Variants in CCM2L observed in about 807,000 individuals in gnomAD.
CCM2L encodes the protein CCM2 like scaffold protein.
A neutral mutation model predicts 54.1 loss-of-function variants in CCM2L; 36 were observed. That is an observed-to-expected ratio of 0.67 (90% CI 0.51 to 0.88). CCM2L has a LOEUF of 0.88. Ranked by LOEUF, CCM2L falls within the 40% of genes least tolerant of loss-of-function variation. The pLI is 0.00. For synonymous variants in CCM2L, 351 were observed against 359.3 expected, an observed-to-expected ratio of 0.98 and a Z score of 0.26; for missense variants, 700 against 812.1, an observed-to-expected ratio of 0.86 and a Z score of 1.68.
rs576051999 is a variant in CCM2L at position 32,028,896 on chromosome 20, G to A, written c.1134-99G>A. The stretch of plus-strand genomic sequence containing the variant: ...GGCCAGGGTATGCGAGGCCTTGGAG[G>A]CCAGCATGCAGTCTAGGATGAGGCC... On this transcript the variant is annotated intron_variant, in intron 7 of 9. Coordinates refer to ENST00000452892, the MANE Select transcript of CCM2L (RefSeq NM_001365692.1). 7 of 1,496,046 alleles carry A rather than the reference G, an allele frequency of 4.7e-6. No individual in the cohort carries two copies. The South Asian group carries it at 6.2e-5, about 13-fold the overall frequency. 92.7% of individuals were successfully genotyped at this position (1,496,046 alleles called of 1,614,324 possible). A position where few individuals can be genotyped will look rare whatever the true frequency, so the allele number is the denominator to read the frequency against.
intron 1 of CCM2L, 91 bp downstream of exon 1, chr20:32,010,575 G>C (rs1198954177): frequency 1.9e-6 from 2 of 1,079,622 alleles, no homozygotes. Context: ...GGTCGGTAGC[G>C]AGGGGCATAA....
rs142246918 is a variant in CCM2L, at chr20:32,013,730, G to A, written c.31-1174G>A. ...CTCCCAAAGTGCTAGGATTACAGGCGTAAACCACCACGCCTGGCCTTCCCC... is the reference window on the plus strand; with the variant it reads ...CTCCCAAAGTGCTAGGATTACAGGCATAAACCACCACGCCTGGCCTTCCCC... On this transcript the variant is annotated intron_variant, in intron 1 of 9. Transcript: ENST00000452892. Among the ~76,000 whole-genome samples, 1,373 of 152,174 alleles carry A rather than the reference G, an allele frequency of 9.0e-3. 14 individuals carry two copies. The highest frequency in any genetic ancestry group is 0.033 in the South Asian group (157 of 4,822).
rs2064780027 is a variant in CCM2L at position 32,019,357 on chromosome 20, AC to A, written c.885del (p.Ser296AlafsTer13). 3 of 1,495,818 alleles carry A rather than the reference AC, an allele frequency of 2.0e-6. No homozygotes were observed. Among genetic ancestry groups the A allele is most frequent in the Non-Finnish European group, 2.7e-6 (3 of 1,129,202 alleles). 92.7% of individuals were successfully genotyped at this position (1,495,818 alleles called of 1,614,324 possible). A position where few individuals can be genotyped will look rare whatever the true frequency, so the allele number is the denominator to read the frequency against. On this transcript the variant is annotated frameshift_variant, in exon 5 of 10. Coordinates refer to ENST00000452892, the MANE Select transcript of CCM2L (RefSeq NM_001365692.1). LOFTEE classifies it high-confidence loss of function. ...HPGPNPLDPQ[D>X]PSPDAYCNLV... ...GGCCCCAACCCGCTCGACCCGCAGGACCCCAGCCCCGACGCCTACTGCAACC... is the reference window on the plus strand; with the variant it reads ...GGCCCCAACCCGCTCGACCCGCAGGACCCAGCCCCGACGCCTACTGCAACC...
intron 5 of CCM2L, among the ~76,000 whole-genome samples, chr20:32,020,852 C>T (rs1002593796): frequency 3.9e-5 from 6 of 152,116 alleles, no homozygotes; most frequent in African/African-American, 7.2e-5. Context: ...GGCATAGCGG[C>T]GGGTGCCTGT....
In CCM2L at chr20:32,019,051, C is replaced by T; in HGVS notation, c.575C>T (p.Ala192Val). The T allele has an allele frequency of 7.7e-7, 1 of 1,296,736 alleles. No individual in the cohort carries two copies. The highest frequency in any genetic ancestry group is 2.3e-5 in the South Asian group (1 of 43,546). The allele number at this position is 1,296,736 out of a possible 1,614,324, so 80.3% of individuals were successfully genotyped here. Residue 192 changes from alanine to valine, a missense_variant, in exon 5 of 10, where the codon GCG (alanine) becomes GTG (valine). Physicochemically the swap from Ala to Val is moderately conservative, Grantham distance 64 (BLOSUM62 0). Transcript: ENST00000452892. The part of the protein sequence containing the change: ...GAPEKRRVGT[A>V]ERRHTICSLD... ...CCCGAGAAGCGGCGGGTGGGCACCG[C>T]GGAGCGGCGCCACACCATCTGCAGC...
At chr20:32,016,918 C>T (rs1480636233) in intron 2 of CCM2L, among the ~76,000 whole-genome samples, 2 of 152,126 alleles carry the variant, frequency 1.3e-5, no homozygotes, top group Non-Finnish European at 2.9e-5. Flanking sequence ...GAGGCTGAGG[C>T]AGGCTGATTA....
chr20:32,016,059 A>G (rs1398363544), intron 2 of CCM2L, among the ~76,000 whole-genome samples: 1 of 151,616 alleles, frequency 6.6e-6, no homozygotes, highest in Admixed American at 6.6e-5. Context: ...GGGTTTCACT[A>G]TGTTGGTCAG....
Position 32,029,796 on chromosome 20 carries a change from C to CT in CCM2L, c.1361dup (p.Leu455AlafsTer44). The CT allele has an allele frequency of 6.2e-7, 1 of 1,612,452 alleles. No homozygotes were observed. The highest frequency in any genetic ancestry group is 8.5e-7 in the Non-Finnish European group (1 of 1,179,052). Reference sequence around the variant, plus strand: ...GCCCATCCAGGACTATTGCACAGGCCTGCTGAAGCTCTACGGAGACCGGCG... The same window carrying CT: ...GCCCATCCAGGACTATTGCACAGGCCTTGCTGAAGCTCTACGGAGACCGGCG... On this transcript the variant is annotated frameshift_variant, in exon 9 of 10. Coordinates refer to ENST00000452892, the MANE Select transcript of CCM2L (RefSeq NM_001365692.1). LOFTEE classifies it high-confidence loss of function.
intron 7 of CCM2L, 75 bp from the exon 8 acceptor site, chr20:32,028,920 C>A: frequency 6.3e-7 from 1 of 1,589,274 alleles, no homozygotes. Context: ...TAGGATGAGG[C>A]CTCCTACCTT....
rs552082280 is a variant in CCM2L at position 32,031,248 on chromosome 20, C to A, written c.1650C>A (p.Asp550Glu). The A allele has an allele frequency of 1.5e-5, 19 of 1,298,432 alleles. 1 individual carries two copies. The East Asian group carries it at 8.9e-4, about 61-fold the overall frequency. 80.4% of individuals were successfully genotyped at this position (1,298,432 alleles called of 1,614,324 possible). The change falls in exon 10 of 10, where the codon GAC becomes GAA. Residue 550 changes from aspartate to glutamate, a missense_variant. Coordinates refer to ENST00000452892, the MANE Select transcript of CCM2L (RefSeq NM_001365692.1). The stretch of plus-strand genomic sequence containing the variant: ...AGGCGCTGGCCCCCGATGACGACGA[C>A]GACGACGAGGATGAGCCCCGGGGCT... ...DIEALAPDDD[D>E]DDEDEPRGSR...
rs904115719 is a variant in CCM2L at position 32,019,417 on chromosome 20, C to G, written c.933+8C>G. 3 of 1,508,394 alleles carry G rather than the reference C, an allele frequency of 2.0e-6. No homozygotes were observed. Among genetic ancestry groups the G allele is most frequent in the Non-Finnish European group, 2.6e-6 (3 of 1,135,056 alleles). 93.4% of individuals were successfully genotyped at this position (1,508,394 alleles called of 1,614,324 possible). ...CTGGCTGTAGCCAACAGGGTGAGCC[C>G]GAGGGCAGCCTGCTCCCAAAGCCCG... On this transcript the variant is annotated splice_region_variant and intron_variant, in intron 5 of 9. Coordinates refer to ENST00000452892, the MANE Select transcript of CCM2L (RefSeq NM_001365692.1).
chr20:32,025,065 T>G (rs1248365518), intron 6 of CCM2L, among the ~76,000 whole-genome samples: 1 of 137,732 alleles, frequency 7.3e-6, no homozygotes, highest in Admixed American at 6.9e-5. Flanking sequence ...TCTTCTTTCT[T>G]TCTTTCTTTC....
At chr20:32,011,201 A>G (rs1237261928) in intron 1 of CCM2L, among the ~76,000 whole-genome samples, 2 of 152,148 alleles carry the variant, frequency 1.3e-5, no homozygotes, top group Non-Finnish European at 2.9e-5. Context: ...AAGGGAGCCA[A>G]GACATACGTG....
intron 5 of CCM2L, among the ~76,000 whole-genome samples, chr20:32,021,103 C>T (rs1409794719): frequency 3.9e-5 from 6 of 152,160 alleles, no homozygotes; most frequent in African/African-American, 1.4e-4. Context: ...CTGACAGTCT[C>T]TTTCCCCACA....
chr20:32,018,169 C>T lies in CCM2L; in HGVS notation c.466+7C>T. 1 of 1,089,980 alleles carries T rather than the reference C, an allele frequency of 9.2e-7. No individual in the cohort carries two copies. Among genetic ancestry groups the T allele is most frequent in the Non-Finnish European group, 1.1e-6 (1 of 873,296 alleles). The allele number at this position is 1,089,980 out of a possible 1,614,324, so 67.5% of individuals were successfully genotyped here. On this transcript the variant is annotated splice_region_variant and intron_variant, in intron 4 of 9. Transcript: ENST00000452892. Reference sequence around the variant, plus strand: ...CTGCTAGTGCTCAAGACCGGTGCGGCGGGAGGGGGCGGGGGCGGGGGAGGG... The same window carrying T: ...CTGCTAGTGCTCAAGACCGGTGCGGTGGGAGGGGGCGGGGGCGGGGGAGGG...
Position 32,019,409 on chromosome 20 carries a change from G to A in CCM2L, c.933G>A (p.Arg311=). ...CNLVILAVAN[R]DAAEESCALI... is the part of the protein sequence containing the mutation. The stretch of plus-strand genomic sequence containing the variant: ...TGGTCATCCTGGCTGTAGCCAACAG[G>A]GTGAGCCCGAGGGCAGCCTGCTCCC... Residue 311 remains arginine (R), a splice_region_variant and synonymous_variant, in exon 5 of 10, where the codon AGG becomes AGA. Transcript: ENST00000452892. The A allele has an allele frequency of 6.6e-7, 1 of 1,522,976 alleles. No homozygotes were observed. The highest frequency in any genetic ancestry group is 8.7e-7 in the Non-Finnish European group (1 of 1,143,218). The allele number at this position is 1,522,976 out of a possible 1,614,324, so 94.3% of individuals were successfully genotyped here.
intron 7 of CCM2L, 111 bp from the exon 8 acceptor site, chr20:32,028,884 G>A (rs756521630): frequency 1.7e-5 from 23 of 1,382,804 alleles, no homozygotes; most frequent in South Asian, 1.1e-4. Flanking sequence ...CAGGGTATGC[G>A]AGGCCTTGGA....
Position 32,031,174 on chromosome 20 carries a change from G to A in CCM2L, c.1576G>A (p.Glu526Lys). ...RSYDGAAQRP[E>K]AQAFHRLLAD... ...CTACGATGGCGCGGCGCAGCGGCCC[G>A]AGGCACAGGCCTTCCACCGGCTGCT... is the stretch of plus-strand genomic sequence containing the variant. Residue 526 changes from glutamate (E) to lysine (K), a missense_variant, in exon 10 of 10, where the codon GAG becomes AAG. Coordinates refer to ENST00000452892, the MANE Select transcript of CCM2L (RefSeq NM_001365692.1). 7.7e-7 allele frequency: 1 copy of A among 1,302,264 alleles called. No individual in the cohort carries two copies. Among genetic ancestry groups the A allele is most frequent in the Non-Finnish European group, 1.0e-6 (1 of 988,490 alleles). The allele number at this position is 1,302,264 out of a possible 1,614,324, so 80.7% of individuals were successfully genotyped here. A position where few individuals can be genotyped will look rare whatever the true frequency, so the allele number is the denominator to read the frequency against.
Position 32,017,784 on chromosome 20 carries a change from C to A in CCM2L, c.199-16C>A, listed in dbSNP as rs1333424263. 6.2e-7 allele frequency: 1 copy of A among 1,612,270 alleles called. No individual in the cohort carries two copies. The highest frequency in any genetic ancestry group is 8.5e-7 in the Non-Finnish European group (1 of 1,178,428). On this transcript the variant is annotated splice_polypyrimidine_tract_variant and intron_variant, in intron 2 of 9. Transcript: ENST00000452892. ...TGACATCTCTGTGTCCTTCTCTCAC[C>A]CCGATTTCCATCCAGTTCCTGGGCC...
Sources: gnomAD v4.1 joint callset for allele counts (sites outside exome capture counted in the v4.1 genomes callset) on GRCh38, gnomAD v4.1.1 for gene constraint, MANE v1.5 for transcripts, NCBI Gene and HGNC (gene_info 2026-07-23, HGNC 2026-07-21) for gene names.